Variants in AGMO observed in about 807,000 individuals in gnomAD.
The protein encoded by AGMO is alkylglycerol monooxygenase.
In AGMO, 75 loss-of-function variants were observed where a neutral mutation model predicts 60.2. The observed-to-expected ratio is 1.25, with a 90% CI of 1.03 to 1.51. AGMO has a LOEUF of 1.51. AGMO is among the 40% of genes most tolerant of loss of function. The pLI is 0.00. For missense variants in AGMO, 763 were observed against 525.5 expected (o/e 1.45, Z -4.42); for synonymous variants, 261 against 177.1 (o/e 1.47, Z -3.76).
Position 15,289,636 on chromosome 7 carries a change from T to C in AGMO, c.1263+75878A>G, listed in dbSNP as rs953201221. ...TAATAATAGATATTATAAGTTTATCTATGGAATATTCAGTACTAGCTTCTA... is the reference window on the plus strand; with the variant it reads ...TAATAATAGATATTATAAGTTTATCCATGGAATATTCAGTACTAGCTTCTA... On this transcript the variant is annotated intron_variant, in intron 12 of 12. Coordinates refer to ENST00000342526, the MANE Select transcript of AGMO (RefSeq NM_001004320.2). 1.7e-4 allele frequency among the ~76,000 whole-genome samples: 26 copies of C among 152,046 alleles called. 5 individuals carry two copies. Among genetic ancestry groups the C allele is most frequent in the Admixed American group, 1.6e-3 (25 of 15,268 alleles).
chr7:15,249,654 C>T (rs1027900079), intron 12 of AGMO, among the ~76,000 whole-genome samples: 3 of 151,760 alleles, frequency 2.0e-5, no homozygotes, highest in African/African-American at 7.3e-5. Flanking sequence ...AATATGAAGG[C>T]TGTGGATAAT....
At chr7:15,171,256 C>T in the AGMO span, among the ~76,000 whole-genome samples, 55,983 of 151,846 alleles carry the variant, frequency 0.37, 11,685 homozygotes, top group East Asian at 0.71. Context: ...GATGGGATTA[C>T]AGGCTTGAGC....
chr7:15,169,852 G>C, the AGMO span, among the ~76,000 whole-genome samples: 1 of 152,172 alleles, frequency 6.6e-6, no homozygotes, highest in South Asian at 2.1e-4. Flanking sequence ...GTCTTCTTCA[G>C]GTCACCCATG....
intron 3 of AGMO, among the ~76,000 whole-genome samples, chr7:15,437,646 C>T (rs1240712254): frequency 3.3e-5 from 5 of 151,744 alleles, no homozygotes; most frequent in Non-Finnish European, 5.9e-5. Context: ...CCCATTCTCC[C>T]GCCTCACCCT....
intron 3 of AGMO, among the ~76,000 whole-genome samples, chr7:15,497,583 G>A (rs1192885981): frequency 6.6e-6 from 1 of 151,944 alleles, no homozygotes; most frequent in East Asian, 1.9e-4. Context: ...TTAACAATTA[G>A]ACTTTTTTAC....
At chr7:15,122,684 T>C in the AGMO span, among the ~76,000 whole-genome samples, 1 of 152,110 alleles carries the variant, frequency 6.6e-6, no homozygotes, top group Non-Finnish European at 1.5e-5. Flanking sequence ...TCTCTAACAG[T>C]CACATCCATT....
intron 12 of AGMO, among the ~76,000 whole-genome samples, chr7:15,340,479 TC>T (rs1193796243): frequency 2.0e-5 from 3 of 152,136 alleles, no homozygotes; most frequent in Admixed American, 6.5e-5. Flanking sequence ...CCAGGAGGCC[TC>T]GGGGGGAACA....
chr7:15,196,808 T>C (rs766057276), downstream of AGMO, among the ~76,000 whole-genome samples: 6 of 152,174 alleles, frequency 3.9e-5, no homozygotes, highest in Non-Finnish European at 5.9e-5. Flanking sequence ...AGAAATGAAG[T>C]TATTATGATT....
intron 12 of AGMO, among the ~76,000 whole-genome samples, chr7:15,339,014 T>C (rs964833456): frequency 1.3e-5 from 2 of 152,162 alleles, no homozygotes; most frequent in African/African-American, 2.4e-5. Context: ...TGTCTAAAGA[T>C]CTTGGGTATT....
chr7:15,254,470 C>CATATCCTTGT (rs1401673746), intron 12 of AGMO, among the ~76,000 whole-genome samples: 1 of 152,078 alleles, frequency 6.6e-6, no homozygotes, highest in African/African-American at 2.4e-5. Flanking sequence ...TTTTGACTTG[C>CATATCCTTGT]ATATCCTTGA....
chr7:15,393,392 C>T (rs193225190), intron 6 of AGMO, among the ~76,000 whole-genome samples: 16 of 152,362 alleles, frequency 1.1e-4, no homozygotes, highest in African/African-American at 3.8e-4. Flanking sequence ...TATTCATGCC[C>T]TTGCATGTAG....
chr7:15,560,141 C>G lies in AGMO; in HGVS notation c.257G>C (p.Ser86Thr). 6.2e-7 allele frequency: 1 copy of G among 1,606,032 alleles called. No individual in the cohort carries two copies. Among genetic ancestry groups the G allele is most frequent in the Non-Finnish European group, 8.5e-7 (1 of 1,174,760 alleles). The change falls in exon 2 of 13, where the codon AGT becomes ACT. Residue 86 changes from serine (S) to threonine (T), a missense_variant and splice_region_variant. By Grantham distance (58) the Ser-to-Thr change is moderately conservative (BLOSUM62 1). Coordinates refer to ENST00000342526, the MANE Select transcript of AGMO (RefSeq NM_001004320.2). ...CAGCGTTGTTGACCATCTAACTCACCTTGGAAGTCGAGACAGAACACCAGC... is the reference window on the plus strand; with the variant it reads ...CAGCGTTGTTGACCATCTAACTCACGTTGGAAGTCGAGACAGAACACCAGC... ...ISAGVLSRLP[S>T]LFFRSIELTS... is the part of the protein sequence containing the mutation.
At chr7:15,408,331 G>C (rs927738928) in intron 5 of AGMO, among the ~76,000 whole-genome samples, 6 of 151,746 alleles carry the variant, frequency 4.0e-5, no homozygotes, top group Non-Finnish European at 5.9e-5. Flanking sequence ...AATATTATTT[G>C]GGTTCTAAAA....
chr7:15,331,208 G>A (rs1306633159), intron 12 of AGMO, among the ~76,000 whole-genome samples: 1 of 152,160 alleles, frequency 6.6e-6, no homozygotes, highest in Non-Finnish European at 1.5e-5. Flanking sequence ...AGGCAAGAAA[G>A]AATGAAACTG....
At position 15,542,403 on chromosome 7, in the gene AGMO, T is replaced by C. The variant is rs562960192; in HGVS notation, c.409+2369A>G. On this transcript the variant is annotated intron_variant, in intron 3 of 12. Coordinates refer to ENST00000342526, the MANE Select transcript of AGMO (RefSeq NM_001004320.2). The stretch of plus-strand genomic sequence containing the variant: ...CCTTGATGCCACATTTTTAATATGT[T>C]ATTTTACTTTATTGCTCTTCCCAAC... Among the ~76,000 whole-genome samples the C allele has an allele frequency of 1.6e-4, 24 of 152,304 alleles. 1 individual carries two copies. The highest frequency in any genetic ancestry group is 4.6e-4 in the African/African-American group (19 of 41,580).
intron 2 of AGMO, among the ~76,000 whole-genome samples, chr7:15,548,855 A>G (rs1233114618): frequency 5.3e-5 from 8 of 152,116 alleles, no homozygotes; most frequent in Middle Eastern, 3.2e-3. Flanking sequence ...ACTCCAAGAC[A>G]CATAATTGTG....
chr7:15,284,559 C>A (rs929637846), intron 12 of AGMO, among the ~76,000 whole-genome samples: 5 of 151,910 alleles, frequency 3.3e-5, no homozygotes, highest in African/African-American at 1.2e-4. Flanking sequence ...TAACAACCAG[C>A]AAGACTGAAT....
intron 3 of AGMO, among the ~76,000 whole-genome samples, chr7:15,487,109 G>A (rs1293347676): frequency 6.6e-6 from 1 of 152,154 alleles, no homozygotes; most frequent in Admixed American, 6.5e-5. Flanking sequence ...AATCTATTAT[G>A]TTTAAAATAA....
intron 3 of AGMO, among the ~76,000 whole-genome samples, chr7:15,436,325 T>G (rs759838908): frequency 1.0e-4 from 7 of 69,640 alleles, no homozygotes; most frequent in Non-Finnish European, 2.0e-4. Context: ...TAGGTTAGAG[T>G]TGTTTCTGTG....
Sources: gnomAD v4.1 joint callset for allele counts (sites outside exome capture counted in the v4.1 genomes callset) on GRCh38, gnomAD v4.1.1 for gene constraint, MANE v1.5 for transcripts, NCBI Gene and HGNC (gene_info 2026-07-23, HGNC 2026-07-21) for gene names.